The following CCDC73 variants were observed in gnomAD, a reference collection of about 807,000 sequenced individuals.
CCDC73 encodes coiled-coil domain-containing protein 73.
A neutral mutation model predicts 116.5 loss-of-function variants in CCDC73; 95 were observed. That is an observed-to-expected ratio of 0.82 (90% CI 0.69 to 0.97). The LOEUF is 0.97. CCDC73 is among the 50% of genes least tolerant of loss of function. The pLI is 0.00. For missense variants in CCDC73, 1,066 were observed against 1,206.8 expected (o/e 0.88, Z 1.73); for synonymous variants, 398 against 401.3 (o/e 0.99, Z 0.10).
chr11:32,783,205 T>C (rs1590645927), intron 1 of CCDC73, among the ~76,000 whole-genome samples: 1 of 152,074 alleles, frequency 6.6e-6, no homozygotes, highest in South Asian at 2.1e-4. Context: ...TACACTGGAA[T>C]TTTCAATATC....
chr11:32,710,050 TC>T (rs1849885939), intron 3 of CCDC73, among the ~76,000 whole-genome samples: 1 of 152,226 alleles, frequency 6.6e-6, no homozygotes, highest in Non-Finnish European at 1.5e-5. Context: ...AGTTGTAGCA[TC>T]CCCTGTTTCA....
intron 1 of CCDC73, among the ~76,000 whole-genome samples, chr11:32,785,352 T>C (rs1850618789): frequency 6.6e-6 from 1 of 152,216 alleles, no homozygotes; most frequent in Non-Finnish European, 1.5e-5. Context: ...TTTACGATGC[T>C]GTTACAGACA....
chr11:32,618,426 C>T (rs1371906635), intron 14 of CCDC73, among the ~76,000 whole-genome samples: 2 of 152,168 alleles, frequency 1.3e-5, no homozygotes, highest in African/African-American at 4.8e-5. Context: ...AATTGTAGTT[C>T]TGTTTGAAGT....
intron 14 of CCDC73, among the ~76,000 whole-genome samples, chr11:32,631,827 C>A (rs1443515061): frequency 6.6e-6 from 1 of 152,078 alleles, no homozygotes; most frequent in East Asian, 1.9e-4. Flanking sequence ...GGTGACAGAG[C>A]AAGACCCTGT....
At chr11:32,671,499 T>C (rs1241056407) in intron 9 of CCDC73, among the ~76,000 whole-genome samples, 1 of 152,124 alleles carries the variant, frequency 6.6e-6, no homozygotes, top group Non-Finnish European at 1.5e-5. Flanking sequence ...AAATTGTCTT[T>C]GGGAGAATTA....
At chr11:32,766,853 T>G (rs572712221) in intron 1 of CCDC73, among the ~76,000 whole-genome samples, 247 of 152,236 alleles carry the variant, frequency 1.6e-3, no homozygotes, top group African/African-American at 5.7e-3. Context: ...ATTCCATGCT[T>G]ATGGATAGGA....
chr11:32,704,875 G>A (rs1035351947), intron 3 of CCDC73, among the ~76,000 whole-genome samples: 3 of 152,182 alleles, frequency 2.0e-5, no homozygotes, highest in African/African-American at 7.2e-5. Flanking sequence ...CCCACTTCAG[G>A]TCTCCTCTCC....
At chr11:32,741,167 A>G (rs1317315923) in intron 2 of CCDC73, among the ~76,000 whole-genome samples, 5 of 151,944 alleles carry the variant, frequency 3.3e-5, no homozygotes, top group Admixed American at 6.6e-5. Flanking sequence ...GAAATGTTCT[A>G]TAAGTACCTA....
chr11:32,768,441 T>C (rs977109427), intron 1 of CCDC73, among the ~76,000 whole-genome samples: 3 of 152,094 alleles, frequency 2.0e-5, no homozygotes, highest in Admixed American at 6.5e-5. Flanking sequence ...CTGCACGTTG[T>C]GCACATGCAT....
chr11:32,670,093 G>T (rs937155459), intron 9 of CCDC73, among the ~76,000 whole-genome samples: 15 of 152,134 alleles, frequency 9.9e-5, no homozygotes, highest in African/African-American at 3.6e-4. Flanking sequence ...TTGCTTTAAA[G>T]GTGCTTTCTT....
At chr11:32,774,530 T>C (rs561520360) in intron 1 of CCDC73, among the ~76,000 whole-genome samples, 1 of 152,312 alleles carries the variant, frequency 6.6e-6, no homozygotes, top group African/African-American at 2.4e-5. Context: ...CTCTAGTGCA[T>C]AGGACACCTT....
chr11:32,675,807 T>A, intron 8 of CCDC73, 79 bp downstream of exon 8: 1 of 1,280,704 alleles, frequency 7.8e-7, no homozygotes, highest in East Asian at 2.4e-5. Context: ...TTATCATAGA[T>A]ATTCAATGTA....
chr11:32,622,274 G>C (rs529031182), intron 14 of CCDC73, among the ~76,000 whole-genome samples: 61 of 152,120 alleles, frequency 4.0e-4, no homozygotes, highest in Non-Finnish European at 7.4e-4. Context: ...GTCCATCAAT[G>C]ATAGACCGGA....
intron 1 of CCDC73, among the ~76,000 whole-genome samples, chr11:32,779,949 C>T (rs1018677831): frequency 3.9e-5 from 6 of 152,026 alleles, no homozygotes; most frequent in African/African-American, 1.4e-4. Context: ...AAAGTGAACA[C>T]CTCAATGGTA....
intron 2 of CCDC73, among the ~76,000 whole-genome samples, chr11:32,740,180 G>C (rs1251209779): frequency 6.6e-6 from 1 of 151,880 alleles, no homozygotes; most frequent in Non-Finnish European, 1.5e-5. Flanking sequence ...GTCTGGTTTG[G>C]TATCAGTGTA....
intron 16 of CCDC73, among the ~76,000 whole-genome samples, chr11:32,611,806 G>A (rs1855424925): frequency 6.6e-6 from 1 of 152,156 alleles, no homozygotes; most frequent in South Asian, 2.1e-4. Context: ...AAAAGATACT[G>A]ATGGCATATT....
At chr11:32,648,677 G>A (rs34273604) in intron 12 of CCDC73, among the ~76,000 whole-genome samples, 14,879 of 151,884 alleles carry the variant, frequency 0.098, 902 homozygotes, top group African/African-American at 0.15. Context: ...TCAGGCTCCC[G>A]AGTAGCTGGG....
At chr11:32,765,563 A>G (rs1336219882) in intron 1 of CCDC73, among the ~76,000 whole-genome samples, 1 of 152,188 alleles carries the variant, frequency 6.6e-6, no homozygotes, top group Non-Finnish European at 1.5e-5. Context: ...CTTTGAAAAC[A>G]ATGAGAACAA....
chr11:32,755,942 CAT>C (rs1223221805), intron 2 of CCDC73, among the ~76,000 whole-genome samples: 1 of 10,102 alleles, frequency 9.9e-5, no homozygotes, highest in African/African-American at 4.5e-4. Flanking sequence ...TATATATCTC[CAT>C]ATATATATCT....
Sources: gnomAD v4.1 joint callset for allele counts (sites outside exome capture counted in the v4.1 genomes callset) on GRCh38, gnomAD v4.1.1 for gene constraint, MANE v1.5 for transcripts, NCBI Gene and HGNC (gene_info 2026-07-23, HGNC 2026-07-21) for gene names.